TMEM41B: variants seen among roughly 807,000 people sequenced by gnomAD.
The protein encoded by TMEM41B is transmembrane protein 41B.
Under a neutral mutation model 31.9 loss-of-function variants are expected in TMEM41B, and 18 were observed. The ratio of observed to expected loss-of-function variants is 0.56; its 90% confidence interval spans 0.39 to 0.84. The LOEUF is 0.84. Ranked by LOEUF, TMEM41B falls within the 40% of genes least tolerant of loss-of-function variation. The pLI, the probability that TMEM41B is intolerant of heterozygous loss-of-function variation, is 0.00. For missense variants in TMEM41B, 322 were observed against 348.0 expected (o/e 0.93, Z 0.59); for synonymous variants, 144 against 124.3 (o/e 1.16, Z -1.05).
chr11:9,287,355 G>T (rs552703718), intron 5 of TMEM41B, among the ~76,000 whole-genome samples: 1 of 152,122 alleles, frequency 6.6e-6, no homozygotes, highest in Non-Finnish European at 1.5e-5. Flanking sequence ...GCTGATACAA[G>T]TGTTTCCATA....
At chr11:9,304,800 G>A (rs547746708) in intron 1 of TMEM41B, among the ~76,000 whole-genome samples, 1 of 152,182 alleles carries the variant, frequency 6.6e-6, no homozygotes, top group East Asian at 1.9e-4. Context: ...TGGGACTACA[G>A]GCACACGCCA....
At chr11:9,307,319 C>T (rs973219973) in intron 1 of TMEM41B, among the ~76,000 whole-genome samples, 3 of 152,032 alleles carry the variant, frequency 2.0e-5, no homozygotes, top group Non-Finnish European at 4.4e-5. Flanking sequence ...CTTAAGGTCA[C>T]AAGAATCCAC....
rs375418304 is a variant in TMEM41B at position 9,286,586 on chromosome 11, C to T, written c.575G>A (p.Arg192His). 1.2e-5 allele frequency: 19 copies of T among 1,597,438 alleles called. No individual in the cohort carries two copies. The highest frequency in any genetic ancestry group is 4.5e-5 in the East Asian group (2 of 44,718). ...KAVKWSQQVERHREHLINYII... is the reference protein window; with the variant it reads ...KAVKWSQQVEHHREHLINYII... The stretch of plus-strand genomic sequence containing the variant: ...GTAGTTAATGAGATGTTCTCTATGA[C>T]GTTCAACCTGTCATAAGAAAGAAAA... Residue 192 changes from arginine (R) to histidine (H), a missense_variant, in exon 6 of 7, where the codon CGT becomes CAT. By Grantham distance (29) the Arg-to-His change is conservative (BLOSUM62 0). This residue lies in a region of TMEM41B where 47 missense variants were observed against 84.8 expected (regional missense o/e 0.55). Coordinates refer to ENST00000528080, the MANE Select transcript of TMEM41B (RefSeq NM_015012.4).
At chr11:9,312,569 C>T (rs1318592739) in intron 1 of TMEM41B, among the ~76,000 whole-genome samples, 1 of 152,104 alleles carries the variant, frequency 6.6e-6, no homozygotes, top group East Asian at 1.9e-4. Flanking sequence ...TCCCTGTCTT[C>T]CTATAGATTT....
intron 1 of TMEM41B, among the ~76,000 whole-genome samples, chr11:9,308,907 C>T (rs1853464273): frequency 6.6e-6 from 1 of 152,120 alleles, no homozygotes; most frequent in Admixed American, 6.6e-5. Context: ...TCAAGGGGAA[C>T]CAAACTTAAG....
chr11:9,306,136 C>A, intron 1 of TMEM41B, among the ~76,000 whole-genome samples: 1 of 151,572 alleles, frequency 6.6e-6, no homozygotes, highest in East Asian at 2.0e-4. Flanking sequence ...GGGCCACCAC[C>A]CCCAGCTAAT....
intron 1 of TMEM41B, among the ~76,000 whole-genome samples, chr11:9,313,640 G>C (rs1430691382): frequency 6.6e-6 from 1 of 152,182 alleles, no homozygotes; most frequent in Non-Finnish European, 1.5e-5. Context: ...ATAAACTTTA[G>C]AATGAGTGAC....
intron 2 of TMEM41B, among the ~76,000 whole-genome samples, chr11:9,299,352 G>A (rs1365038143): frequency 8.6e-5 from 7 of 81,214 alleles, no homozygotes; most frequent in African/African-American, 1.7e-4. Context: ...ACACGTGTGT[G>A]TATATAAATA....
chr11:9,308,696 T>C (rs1268728777), intron 1 of TMEM41B, among the ~76,000 whole-genome samples: 1 of 152,194 alleles, frequency 6.6e-6, no homozygotes, highest in Non-Finnish European at 1.5e-5. Context: ...TTAGCTCTAT[T>C]CCTACTCTTT....
intron 3 of TMEM41B, among the ~76,000 whole-genome samples, chr11:9,291,688 C>G (rs1852963640): frequency 6.6e-6 from 1 of 151,584 alleles, no homozygotes; most frequent in Admixed American, 6.6e-5. Context: ...GTGTGGCCAC[C>G]ACGCCCGGCC....
chr11:9,296,620 A>AAAG (rs1853094872), intron 2 of TMEM41B, among the ~76,000 whole-genome samples: 4 of 128,192 alleles, frequency 3.1e-5, no homozygotes, highest in Admixed American at 8.1e-5. Context: ...AAAAAAAAAA[A>AAAG]AAAGAAAGAA....
At chr11:9,311,154 G>A (rs1398516410) in intron 1 of TMEM41B, 4 of 1,097,180 alleles carry the variant, frequency 3.6e-6, no homozygotes, top group Non-Finnish European at 4.9e-6. Flanking sequence ...ACAGCAGGGT[G>A]AAGCTCAGGC....
At chr11:9,292,584 G>A (rs895047180) in intron 3 of TMEM41B, among the ~76,000 whole-genome samples, 3 of 152,014 alleles carry the variant, frequency 2.0e-5, no homozygotes, top group Non-Finnish European at 4.4e-5. Context: ...CAGCACCTTG[G>A]GAGGCTGAGG....
chr11:9,295,592 T>C (rs1564963077), intron 2 of TMEM41B, among the ~76,000 whole-genome samples: 1 of 152,184 alleles, frequency 6.6e-6, no homozygotes, highest in Non-Finnish European at 1.5e-5. Flanking sequence ...TGCAGTGCAG[T>C]GGTGGAATCT....
chr11:9,298,063 C>CAA (rs34802416), intron 2 of TMEM41B, among the ~76,000 whole-genome samples: 6 of 83,930 alleles, frequency 7.1e-5, no homozygotes, highest in African/African-American at 1.9e-4. Context: ...GACCCTGCCT[C>CAA]AAAAAAAAAA....
chr11:9,311,275 G>A, intron 1 of TMEM41B: 3 of 1,508,726 alleles, frequency 2.0e-6, no homozygotes, highest in Non-Finnish European at 2.7e-6. Context: ...CCCAGGGCCT[G>A]TATTCAGTCA....
rs67916764 is a variant in TMEM41B, at chr11:9,290,552, T to TA, written c.369-2018dup. Among the ~76,000 whole-genome samples, 152 of 136,292 alleles carry TA rather than the reference T, an allele frequency of 1.1e-3. 1 individual carries two copies. Among genetic ancestry groups the TA allele is most frequent in the African/African-American group, 3.6e-3 (128 of 35,748 alleles). The allele number at this position is 136,292 out of a possible 152,430, so 89.4% of individuals were successfully genotyped here. A position where few individuals can be genotyped will look rare whatever the true frequency, so the allele number is the denominator to read the frequency against. On this transcript the variant is annotated intron_variant, in intron 3 of 6. Transcript: ENST00000528080. ...TACCCCAGAACTTAAAGTATAATAA[T>TA]AAAAAAAAAAAAGAAAGAAAAGAAA...
At chr11:9,301,962 G>A (rs1208248773) in intron 1 of TMEM41B, among the ~76,000 whole-genome samples, 1 of 149,864 alleles carries the variant, frequency 6.7e-6, no homozygotes, top group Non-Finnish European at 1.5e-5. Context: ...TCTATTTCTT[G>A]CTCATAAATG....
intron 3 of TMEM41B, among the ~76,000 whole-genome samples, chr11:9,289,304 CTT>C (rs1361182810): frequency 7.3e-6 from 1 of 137,368 alleles, no homozygotes; most frequent in African/African-American, 2.7e-5. Flanking sequence ...GGCCACAAAT[CTT>C]GTTTTTAAAA....
Sources: gnomAD v4.1 joint callset for allele counts (sites outside exome capture counted in the v4.1 genomes callset) on GRCh38, gnomAD v4.1.1 for gene constraint, gnomAD v4.1.1 regional missense constraint, MANE v1.5 for transcripts, NCBI Gene and HGNC (gene_info 2026-07-23, HGNC 2026-07-21) for gene names.